Variants in KANK4 observed in about 807,000 individuals in gnomAD.
KANK4 encodes the protein KN motif and ankyrin repeat domains 4, also known as KN motif and ankyrin repeat domain-containing protein 4.
KANK4 carries 50 observed loss-of-function variants against 80.8 expected under a neutral mutation model. That is an observed-to-expected ratio of 0.62 (90% CI 0.49 to 0.78). The LOEUF is 0.78. Ranked by LOEUF, KANK4 falls within the 30% of genes least tolerant of loss-of-function variation. The pLI is 0.00. For missense variants in KANK4, 1,196 were observed against 1,240.1 expected (o/e 0.96, Z 0.53); for synonymous variants, 465 against 506.9 (o/e 0.92, Z 1.11).
chr1:62,255,754 T>C (rs1671737502), intron 7 of KANK4, among the ~76,000 whole-genome samples: 1 of 152,154 alleles, frequency 6.6e-6, no homozygotes. Context: ...GCTCAAGTGA[T>C]CCTCCCACCT....
chr1:62,249,289 A>G (rs1284259756), intron 8 of KANK4, among the ~76,000 whole-genome samples: 2 of 151,930 alleles, frequency 1.3e-5, no homozygotes, highest in African/African-American at 4.8e-5. Flanking sequence ...TTACAAATTG[A>G]CCATCATTTC....
At chr1:62,252,959 G>A in intron 8 of KANK4, 108 bp downstream of exon 8, 1 of 1,345,904 alleles carries the variant, frequency 7.4e-7, no homozygotes, top group South Asian at 1.3e-5. Context: ...CAGCCTCCTT[G>A]GGTTAAAAAC....
Position 62,274,668 on chromosome 1 carries a change from C to T in KANK4, c.436G>A (p.Glu146Lys). The T allele has an allele frequency of 6.2e-7, 1 of 1,614,220 alleles. No homozygotes were observed. Among genetic ancestry groups the T allele is most frequent in the Non-Finnish European group, 8.5e-7 (1 of 1,180,046 alleles). Residue 146 changes from glutamate to lysine, a missense_variant, in exon 3 of 10, where the codon GAG (glutamate) becomes AAG (lysine). Glu to Lys is a moderately conservative substitution (Grantham distance 56). Coordinates refer to ENST00000371153, the MANE Select transcript of KANK4 (RefSeq NM_181712.5). ...CTCCCAAAAGTGAGCTCGGCATCCTCTGGCTCAGCAGCTTCCAACTGTCTG... is the reference window on the plus strand; with the variant it reads ...CTCCCAAAAGTGAGCTCGGCATCCTTTGGCTCAGCAGCTTCCAACTGTCTG... ...ATRQLEAAEP[E>K]DAELTFGSGR...
At chr1:62,242,222 T>C (rs954487862) in intron 9 of KANK4, among the ~76,000 whole-genome samples, 1 of 151,760 alleles carries the variant, frequency 6.6e-6, no homozygotes, top group Non-Finnish European at 1.5e-5. Flanking sequence ...CTTGGCCAGG[T>C]GCACTGGCTC....
intron 9 of KANK4, among the ~76,000 whole-genome samples, chr1:62,241,584 G>A (rs10889313): frequency 6.6e-6 from 1 of 152,030 alleles, no homozygotes; most frequent in African/African-American, 2.4e-5. Context: ...GCATTTGGTC[G>A]GCCCTCAACA....
At chr1:62,301,996 G>GT (rs1424542531) in intron 1 of KANK4, among the ~76,000 whole-genome samples, 1 of 152,044 alleles carries the variant, frequency 6.6e-6, no homozygotes, top group South Asian at 2.1e-4. Context: ...TGGGGAACAG[G>GT]TAAGAAGGAA....
rs780653427 is a variant in KANK4, at chr1:62,268,329, T to G, written c.2189A>C (p.Glu730Ala). The G allele has an allele frequency of 6.2e-7, 1 of 1,613,988 alleles. No homozygotes were observed. Among genetic ancestry groups the G allele is most frequent in the Non-Finnish European group, 8.5e-7 (1 of 1,179,976 alleles). The part of the protein sequence containing the change: ...IPEGTCHAAQ[E>A]SGPGEEVPHS... ...GGGGACTTCTTCCCCAGGCCCACTT[T>G]CCTGGGCAGCATGGCAGGTGCCCTC... Residue 730 changes from glutamate to alanine, a missense_variant, in exon 5 of 10, where the codon GAA (glutamate) becomes GCA (alanine). Physicochemically the swap from Glu to Ala is moderately radical, Grantham distance 107. Transcript: ENST00000371153.
chr1:62,261,342 TAG>T (rs199995658), intron 7 of KANK4, among the ~76,000 whole-genome samples: 1,742 of 152,104 alleles, frequency 0.011, 26 homozygotes, highest in African/African-American at 0.04. Flanking sequence ...GTATTTTTAA[TAG>T]AGAGAGGGTT....
At chr1:62,290,499 C>T (rs539962744) in intron 1 of KANK4, among the ~76,000 whole-genome samples, 22 of 152,272 alleles carry the variant, frequency 1.4e-4, no homozygotes, top group Admixed American at 4.6e-4. Flanking sequence ...GTGTGAAGAC[C>T]GCAGGGGATA....
intron 1 of KANK4, among the ~76,000 whole-genome samples, chr1:62,299,759 G>C (rs1644396379): frequency 6.6e-6 from 1 of 152,180 alleles, no homozygotes; most frequent in South Asian, 2.1e-4. Context: ...TTCATATTTT[G>C]AGGGTAGCAA....
At chr1:62,302,539 A>G (rs755777103) in intron 1 of KANK4, among the ~76,000 whole-genome samples, 17 of 151,990 alleles carry the variant, frequency 1.1e-4, no homozygotes, top group Non-Finnish European at 2.1e-4. Flanking sequence ...CTAACCCCCA[A>G]TGTGATGGTA....
Position 62,236,751 on chromosome 1 carries a change from C to T in KANK4, c.*1526G>A, listed in dbSNP as rs1426923578. On this transcript the variant is annotated 3_prime_UTR_variant, in exon 10 of 10. Transcript: ENST00000371153. Reference sequence around the variant, plus strand: ...CTGGAATTACAGGCGCCTGCCACCACGCCCCAGCTAATTTTTGTATTTTTG... The same window carrying T: ...CTGGAATTACAGGCGCCTGCCACCATGCCCCAGCTAATTTTTGTATTTTTG... 1.3e-5 allele frequency among the ~76,000 whole-genome samples: 2 copies of T among 151,940 alleles called. No individual in the cohort carries two copies. Among genetic ancestry groups the T allele is most frequent in the Non-Finnish European group, 2.9e-5 (2 of 68,004 alleles).
intron 2 of KANK4, among the ~76,000 whole-genome samples, chr1:62,277,462 G>A (rs1033707767): frequency 6.6e-6 from 1 of 152,168 alleles, no homozygotes; most frequent in Non-Finnish European, 1.5e-5. Context: ...ACAATTCCAG[G>A]CCTTTGAATC....
chr1:62,246,840 A>G (rs1165047005), intron 9 of KANK4, among the ~76,000 whole-genome samples: 1 of 151,448 alleles, frequency 6.6e-6, no homozygotes, highest in Non-Finnish European at 1.5e-5. Flanking sequence ...AGCTCACTGC[A>G]ACCTCTGCCT....
intron 7 of KANK4, among the ~76,000 whole-genome samples, chr1:62,259,563 C>T (rs556513543): frequency 5.9e-5 from 9 of 152,256 alleles, no homozygotes; most frequent in Admixed American, 6.5e-5. Flanking sequence ...AGGCGTGAGC[C>T]ACCGCGCCTG....
chr1:62,309,411 C>T (rs998688453), intron 1 of KANK4, among the ~76,000 whole-genome samples: 2 of 152,178 alleles, frequency 1.3e-5, no homozygotes, highest in Non-Finnish European at 1.5e-5. Context: ...CCCAGGCAGA[C>T]CTGGTAGCAT....
intron 8 of KANK4, among the ~76,000 whole-genome samples, chr1:62,249,246 A>G (rs12122645): frequency 0.67 from 101,792 of 151,158 alleles, 34,553 homozygotes; most frequent in East Asian, 0.83. Context: ...TAAAGTATGT[A>G]AATATAATGA....
intron 1 of KANK4, among the ~76,000 whole-genome samples, chr1:62,297,473 C>T (rs939756769): frequency 2.2e-4 from 34 of 152,210 alleles, no homozygotes; most frequent in Middle Eastern, 3.4e-3. Context: ...ACTCCAGAGA[C>T]CGAGCTCTTA....
At chr1:62,307,500 T>A (rs1344483544) in intron 1 of KANK4, among the ~76,000 whole-genome samples, 1 of 112,132 alleles carries the variant, frequency 8.9e-6, no homozygotes, top group Non-Finnish European at 1.9e-5. Flanking sequence ...AAAAAAAAAT[T>A]CCTGAGGAGT....
Sources: allele counts gnomAD v4.1 joint callset (sites outside exome capture counted in the v4.1 genomes callset), GRCh38; gene constraint gnomAD v4.1.1; transcripts MANE v1.5; gene names NCBI Gene and HGNC (gene_info 2026-07-23, HGNC 2026-07-21).